Variants in SSBP3 observed in about 807,000 individuals in gnomAD.
SSBP3 encodes single stranded DNA binding protein 3.
In SSBP3, 5 loss-of-function variants were observed where a neutral mutation model predicts 69.6. The ratio of observed to expected loss-of-function variants is 0.07; its 90% CI spans 0.04 to 0.15. The LOEUF (loss-of-function observed/expected upper bound fraction) is 0.15. Ranked by LOEUF, SSBP3 falls within the 10% of genes least tolerant of loss-of-function variation. The pLI is 1.00. For missense variants in SSBP3, 312 were observed against 534.0 expected (o/e 0.58, Z 4.10); for synonymous variants, 196 against 193.4 (o/e 1.01, Z -0.11).
chr1:54,255,351 C>T (rs1442950206), intron 7 of SSBP3, among the ~76,000 whole-genome samples: 3 of 152,206 alleles, frequency 2.0e-5, no homozygotes, highest in African/African-American at 7.2e-5. Context: ...GAAGTAGCTC[C>T]TTTCTTCCTG....
intron 4 of SSBP3, among the ~76,000 whole-genome samples, chr1:54,353,278 GGCCC>G (rs1646811896): frequency 6.6e-6 from 1 of 152,154 alleles, no homozygotes; most frequent in Non-Finnish European, 1.5e-5. Context: ...GTCGAAATCA[GGCCC>G]ATTGCGAGGG....
At chr1:54,257,177 A>G (rs1644936883) in exon 7 of SSBP3, 2 of 1,601,290 alleles carry the variant, frequency 1.2e-6, no homozygotes, top group Non-Finnish European at 1.7e-6. Context: ...TATCGCGGTG[A>G]CATAAAAGGC....
At chr1:54,253,129 T>C (rs1644859224) in intron 7 of SSBP3, among the ~76,000 whole-genome samples, 1 of 151,530 alleles carries the variant, frequency 6.6e-6, no homozygotes, top group Admixed American at 6.6e-5. Flanking sequence ...TGTGAGGGCA[T>C]AGGGAGTATC....
At chr1:54,332,977 CCT>C (rs1201212990) in intron 4 of SSBP3, among the ~76,000 whole-genome samples, 9 of 152,210 alleles carry the variant, frequency 5.9e-5, no homozygotes, top group African/African-American at 2.2e-4. Flanking sequence ...GCATTGTTCC[CCT>C]GTGTCACTGT....
intron 4 of SSBP3, among the ~76,000 whole-genome samples, chr1:54,387,034 A>G (rs1242042090): frequency 6.6e-6 from 1 of 152,110 alleles, no homozygotes; most frequent in Non-Finnish European, 1.5e-5. Context: ...GCAGTCAGCA[A>G]AACTTTTATT....
At chr1:54,228,043 T>G (rs1211759082) in intron 17 of SSBP3, among the ~76,000 whole-genome samples, 1 of 152,214 alleles carries the variant, frequency 6.6e-6, no homozygotes, top group Non-Finnish European at 1.5e-5. Flanking sequence ...CCAGCCTGCA[T>G]GGAGCTGCCT....
chr1:54,252,943 G>GT (rs903604611), intron 7 of SSBP3, among the ~76,000 whole-genome samples: 3 of 152,218 alleles, frequency 2.0e-5, no homozygotes, highest in Non-Finnish European at 4.4e-5. Flanking sequence ...AGCCCAGGCT[G>GT]TGCTGCTGTG....
chr1:54,357,661 G>A (rs1646890001), intron 4 of SSBP3, among the ~76,000 whole-genome samples: 1 of 152,226 alleles, frequency 6.6e-6, no homozygotes, highest in Non-Finnish European at 1.5e-5. Flanking sequence ...CAGCTATTCA[G>A]GAGGCTGAGG....
At chr1:54,238,039 G>A (rs866871742) in intron 14 of SSBP3, 1 of 417,136 alleles carries the variant, frequency 2.4e-6, no homozygotes, top group Non-Finnish European at 5.1e-6. Flanking sequence ...CAAAACCCAG[G>A]ACTTTCTGTG....
At chr1:54,351,585 G>A (rs188637609) in intron 4 of SSBP3, among the ~76,000 whole-genome samples, 39 of 152,332 alleles carry the variant, frequency 2.6e-4, no homozygotes, top group Non-Finnish European at 5.0e-4. Context: ...CAAGAGTAAT[G>A]TTATGATAAT....
chr1:54,267,040 T>C (rs975202763), intron 5 of SSBP3, among the ~76,000 whole-genome samples: 4 of 152,214 alleles, frequency 2.6e-5, no homozygotes, highest in African/African-American at 9.6e-5. Flanking sequence ...AATCCCAGCC[T>C]TGAGTTCTTT....
At chr1:54,367,676 G>A (rs1188864643) in intron 4 of SSBP3, among the ~76,000 whole-genome samples, 2 of 152,152 alleles carry the variant, frequency 1.3e-5, no homozygotes, top group Non-Finnish European at 2.9e-5. Context: ...CTGCCTCTGC[G>A]GCGGGTCCCC....
chr1:54,300,828 A>AT (rs907523734), intron 4 of SSBP3, among the ~76,000 whole-genome samples: 13 of 152,140 alleles, frequency 8.5e-5, no homozygotes, highest in South Asian at 2.1e-4. Context: ...AATGGACCCC[A>AT]TTTTTTTTAT....
chr1:54,368,459 C>A (rs774830327), intron 4 of SSBP3, among the ~76,000 whole-genome samples: 42 of 150,994 alleles, frequency 2.8e-4, no homozygotes, highest in Non-Finnish European at 4.0e-4. Context: ...CAACTGGACC[C>A]ATAGTTCCCC....
intron 4 of SSBP3, among the ~76,000 whole-genome samples, chr1:54,339,479 G>GAT (rs1646568382): frequency 6.6e-6 from 1 of 152,116 alleles, no homozygotes; most frequent in Admixed American, 6.5e-5. Context: ...AAACAGGAAT[G>GAT]ATAGCAGTAA....
chr1:54,337,485 C>CTTTTTTTTTT (rs869039822), intron 4 of SSBP3, among the ~76,000 whole-genome samples: 597 of 51,162 alleles, frequency 0.012, 128 homozygotes, highest in East Asian at 0.056. Context: ...TTTCCTCAAG[C>CTTTTTTTTTT]TTTTTTTTTT....
At chr1:54,282,071 T>TAATAATAATAAA (rs984653416) in intron 4 of SSBP3, among the ~76,000 whole-genome samples, 8 of 150,658 alleles carry the variant, frequency 5.3e-5, no homozygotes, top group East Asian at 1.9e-4. Context: ...ATAATAATAA[T>TAATAATAATAAA]AAAAAAATGG....
At chr1:54,262,824 C>T (rs77639887) in intron 5 of SSBP3, among the ~76,000 whole-genome samples, 14,780 of 152,214 alleles carry the variant, frequency 0.097, 1,043 homozygotes, top group Non-Finnish European at 0.16. Context: ...CAGGACCAAG[C>T]CCTGGGGTAG....
At chr1:54,325,300 C>G (rs1443202446) in intron 4 of SSBP3, 1 of 166,878 alleles carries the variant, frequency 6.0e-6, no homozygotes, top group Non-Finnish European at 1.5e-5. Flanking sequence ...TCTCTGAGAA[C>G]CATGTTAACC....
Sources: gnomAD v4.1 joint callset for allele counts (sites outside exome capture counted in the v4.1 genomes callset) on GRCh38, gnomAD v4.1.1 for gene constraint, MANE v1.5 for transcripts, NCBI Gene and HGNC (gene_info 2026-07-23, HGNC 2026-07-21) for gene names.